Variants in SGO2 observed in about 807,000 individuals in gnomAD.
SGO2 encodes shugoshin 2.
SGO2 carries 68 observed loss-of-function variants against 99.5 expected under a neutral mutation model. The observed-to-expected ratio is 0.68, with a 90% CI of 0.56 to 0.84. The LOEUF is 0.84. SGO2 is among the 40% of genes least tolerant of loss of function. The probability of loss-of-function intolerance (pLI) is 0.00; values close to 1 mark genes in which losing one functional copy is unlikely to be tolerated. For missense variants in SGO2, 1,350 were observed against 1,436.7 expected (o/e 0.94, Z 0.97); for synonymous variants, 457 against 487.1 (o/e 0.94, Z 0.81).
rs867791393 is a variant in SGO2, at chr2:200,570,511, G to T, written c.704-539G>T. ...GTGTGTGTGTGTGTGTGTGTGTGTGGGCATATGTATATGTATATAATATAT... is the reference window on the plus strand; with the variant it reads ...GTGTGTGTGTGTGTGTGTGTGTGTGTGCATATGTATATGTATATAATATAT... On this transcript the variant is annotated intron_variant, in intron 6 of 8. Coordinates refer to ENST00000357799, the MANE Select transcript of SGO2 (RefSeq NM_152524.6). This position sits in a 1 kb window ranked among gnomAD's most constrained non-coding sequence, Gnocchi z 4.4. Among the ~76,000 whole-genome samples the T allele has an allele frequency of 2.7e-4, 18 of 66,548 alleles. No individual in the cohort carries two copies. Among genetic ancestry groups the T allele is most frequent in the Non-Finnish European group, 4.1e-4 (12 of 29,266 alleles). 43.7% of individuals were successfully genotyped at this position (66,548 alleles called of 152,430 possible).
At chr2:200,532,832 C>T in intron 1 of SGO2, 142 bp from the exon 2 acceptor site, 1 of 909,050 alleles carries the variant, frequency 1.1e-6, no homozygotes, top group East Asian at 3.0e-5. Flanking sequence ...TACATTCATA[C>T]TTTCAGATTT....
Position 200,569,815 on chromosome 2 carries a change from T to C in SGO2, c.626T>C (p.Leu209Pro). Reference sequence around the variant, plus strand: ...CAGGATAATTCGGAAGTGTTATTTCTTAAAGAAAATAATCAAAATGTATAT... The same window carrying C: ...CAGGATAATTCGGAAGTGTTATTTCCTAAAGAAAATAATCAAAATGTATAT... ...STQDNSEVLF[L>P]KENNQNVYGL... The change falls in exon 6 of 9, where the codon CTT (leucine) becomes CCT (proline). Residue 209 changes from leucine to proline, a missense_variant. By Grantham distance (98) the Leu-to-Pro change is moderately conservative. Coordinates refer to ENST00000357799, the MANE Select transcript of SGO2 (RefSeq NM_152524.6). 3 of 1,609,060 alleles carry C rather than the reference T, an allele frequency of 1.9e-6. No homozygotes were observed. The highest frequency in any genetic ancestry group is 2.6e-6 in the Non-Finnish European group (3 of 1,175,628).
Position 200,542,649 on chromosome 2 carries a change from G to A in SGO2, c.458G>A (p.Arg153His), listed in dbSNP as rs202174872. ...KRISKQCKLM[R>H]LPFARVPLTS... Reference sequence around the variant, plus strand: ...ATTAGTAAACAGTGCAAGTTGATGCGTCTTCCATTTGCAAGGTAAATATGG... The same window carrying A: ...ATTAGTAAACAGTGCAAGTTGATGCATCTTCCATTTGCAAGGTAAATATGG... Residue 153 changes from arginine to histidine, a missense_variant, in exon 5 of 9, where the codon CGT (arginine) becomes CAT (histidine). Arg to His is a conservative substitution (Grantham distance 29). Coordinates refer to ENST00000357799, the MANE Select transcript of SGO2 (RefSeq NM_152524.6). 811 of 1,612,476 alleles carry A rather than the reference G, an allele frequency of 5.0e-4. 3 individuals are homozygous for A. In the Middle Eastern group the frequency reaches 0.011, roughly 22 times the overall value.
chr2:200,543,673 T>C (rs896782060), intron 5 of SGO2: 1 of 152,232 alleles, frequency 6.6e-6, no homozygotes, highest in African/African-American at 2.4e-5. Context: ...TTGCCTATTA[T>C]GTGTGTTATT....
At chr2:200,542,722 TA>T in intron 5 of SGO2, 58 bp downstream of exon 5, 1 of 1,420,888 alleles carries the variant, frequency 7.0e-7, no homozygotes, top group Non-Finnish European at 9.9e-7. Context: ...ATAACACAAT[TA>T]GTGTTTGTGT....
Position 200,583,487 on chromosome 2 carries a change from T to A in SGO2, c.*23T>A. On this transcript the variant is annotated 3_prime_UTR_variant, in exon 9 of 9. Coordinates refer to ENST00000357799, the MANE Select transcript of SGO2 (RefSeq NM_152524.6). ...TGAAGTGAATTTATGGATTCTGGTT[T>A]TTCTGAATTTTCAAAGCATAAGGAA... 6.3e-7 allele frequency: 1 copy of A among 1,583,176 alleles called. No individual in the cohort carries two copies. Among genetic ancestry groups the A allele is most frequent in the Non-Finnish European group, 8.6e-7 (1 of 1,166,230 alleles).
At chr2:200,537,566 A>G (rs1344363507) in intron 4 of SGO2, among the ~76,000 whole-genome samples, 1 of 151,796 alleles carries the variant, frequency 6.6e-6, no homozygotes, top group African/African-American at 2.4e-5. Context: ...GTCTCTTCCT[A>G]CCTTTCTGGC....
Position 200,583,520 on chromosome 2 carries a change from A to G in SGO2, c.*56A>G. On this transcript the variant is annotated 3_prime_UTR_variant, in exon 9 of 9. Transcript: ENST00000357799. ...TTTTCAAAGCATAAGGAATCAAAAC[A>G]GAAATATAGTATCAAGAAGATGAAA... 6.7e-7 allele frequency: 1 copy of G among 1,486,084 alleles called. No individual in the cohort carries two copies. The highest frequency in any genetic ancestry group is 9.1e-7 in the Non-Finnish European group (1 of 1,093,156). The allele number at this position is 1,486,084 out of a possible 1,614,324, so 92.1% of individuals were successfully genotyped here.
chr2:200,562,197 A>G (rs1356805642), intron 5 of SGO2, among the ~76,000 whole-genome samples: 4 of 152,158 alleles, frequency 2.6e-5, no homozygotes, highest in Non-Finnish European at 4.4e-5. Flanking sequence ...TAGGTCTAAC[A>G]TGTAAGTCTT....
chr2:200,562,280 G>A (rs1369261551), intron 5 of SGO2, among the ~76,000 whole-genome samples: 2 of 152,112 alleles, frequency 1.3e-5, no homozygotes, highest in Non-Finnish European at 2.9e-5. Context: ...CATATGGCTA[G>A]CCAGTTTTCC....
chr2:200,562,376 G>A lies in SGO2; in HGVS notation c.474-7287G>A, dbSNP rs564385907. On this transcript the variant is annotated intron_variant, in intron 5 of 8. Transcript: ENST00000357799. ...AATATCAGATGGTTGTAGATGTGTG[G>A]TATTATTTTTGAGGGTTCTGTTCTG... 4.3e-3 allele frequency among the ~76,000 whole-genome samples: 651 copies of A among 152,236 alleles called. 9 individuals carry two copies. Among genetic ancestry groups the A allele is most frequent in the African/African-American group, 0.015 (609 of 41,522 alleles).
chr2:200,533,303 T>G (rs769964175), intron 2 of SGO2, 195 bp downstream of exon 2: 2 of 459,002 alleles, frequency 4.4e-6, no homozygotes, highest in Non-Finnish European at 7.3e-6. Context: ...TTACCCTAAG[T>G]GTGACACAGT....
intron 5 of SGO2, among the ~76,000 whole-genome samples, chr2:200,550,996 A>G (rs1258512138): frequency 6.6e-6 from 1 of 151,884 alleles, no homozygotes; most frequent in Non-Finnish European, 1.5e-5. Flanking sequence ...AGTAGCAAAA[A>G]AAAAAAAGAA....
chr2:200,569,278 A>G (rs1559214131), intron 5 of SGO2, among the ~76,000 whole-genome samples: 1 of 152,148 alleles, frequency 6.6e-6, no homozygotes, highest in African/African-American at 2.4e-5. Context: ...TACATTTGCT[A>G]GAAACCAAAG....
chr2:200,561,909 T>C (rs2032987400), intron 5 of SGO2, among the ~76,000 whole-genome samples: 1 of 152,176 alleles, frequency 6.6e-6, no homozygotes, highest in Non-Finnish European at 1.5e-5. Flanking sequence ...GGTTGTTTGA[T>C]TTTTTCTTGT....
At chr2:200,548,872 C>G (rs1171092889) in intron 5 of SGO2, among the ~76,000 whole-genome samples, 1 of 152,114 alleles carries the variant, frequency 6.6e-6, no homozygotes, top group Admixed American at 6.6e-5. Context: ...ACACATATAA[C>G]CTACCAAGAT....
Position 200,533,022 on chromosome 2 carries a change from T to A in SGO2, c.47T>A (p.Ile16Asn). The change falls in exon 2 of 9, where the codon ATT becomes AAT. Residue 16 changes from isoleucine to asparagine, a missense_variant. Physicochemically the swap from Ile to Asn is moderately radical, Grantham distance 149. Transcript: ENST00000357799. ...METGSLFTSG[I>N]KRHLKDKRIS... ...ACTGGCTCACTTTTTACCTCAGGAA[T>A]TAAGAGACATTTGAAAGACAAAAGA... 1 of 1,609,114 alleles carries A rather than the reference T, an allele frequency of 6.2e-7. No homozygotes were observed. Among genetic ancestry groups the A allele is most frequent in the South Asian group, 1.1e-5 (1 of 89,308 alleles).
chr2:200,574,417 A>G (rs1264377815), intron 7 of SGO2, among the ~76,000 whole-genome samples: 1 of 152,002 alleles, frequency 6.6e-6, no homozygotes, highest in East Asian at 1.9e-4. Flanking sequence ...TCTAGATATT[A>G]TAGAGGACTG....
intron 5 of SGO2, among the ~76,000 whole-genome samples, chr2:200,546,354 A>G (rs932265438): frequency 5.1e-4 from 16 of 31,554 alleles, no homozygotes; most frequent in Middle Eastern, 0.013. Flanking sequence ...CTCCATCTGG[A>G]AAAAAAAAAA....
Sources: gnomAD v4.1 joint callset for allele counts (sites outside exome capture counted in the v4.1 genomes callset) on GRCh38, gnomAD v4.1.1 for gene constraint, Gnocchi (gnomAD v3.1) non-coding constraint, MANE v1.5 for transcripts, NCBI Gene and HGNC (gene_info 2026-07-23, HGNC 2026-07-21) for gene names.